KCNQ5: variants seen among roughly 807,000 people sequenced by gnomAD.
KCNQ5 encodes potassium voltage-gated channel subfamily KQT member 5.
Under a neutral mutation model 98.2 loss-of-function variants are expected in KCNQ5, and 30 were observed. That is an observed-to-expected ratio of 0.31 (90% confidence interval 0.23 to 0.41). The LOEUF is 0.41. KCNQ5 is among the 10% of genes least tolerant of loss of function. KCNQ5 has a pLI of 1.00. For missense variants in KCNQ5, 835 were observed against 1,182.5 expected (o/e 0.71, Z 4.31); for synonymous variants, 458 against 449.4 (o/e 1.02, Z -0.24).
chr6:73,177,013 T>C (rs972931403), intron 11 of KCNQ5, among the ~76,000 whole-genome samples: 3 of 152,158 alleles, frequency 2.0e-5, no homozygotes, highest in Non-Finnish European at 2.9e-5. Flanking sequence ...CTGAAGGAGA[T>C]AGATTCAAAC....
intron 1 of KCNQ5, among the ~76,000 whole-genome samples, chr6:72,685,317 A>T (rs1176176459): frequency 1.3e-5 from 2 of 152,242 alleles, no homozygotes; most frequent in African/African-American, 4.8e-5. Flanking sequence ...AGAGAAACAT[A>T]TTGTTTTGAA....
At chr6:72,725,089 A>G (rs1770194616) in intron 1 of KCNQ5, among the ~76,000 whole-genome samples, 1 of 152,192 alleles carries the variant, frequency 6.6e-6, no homozygotes, top group Non-Finnish European at 1.5e-5. Flanking sequence ...TGTATTTATT[A>G]CTTAGAATTT....
At chr6:73,124,692 G>A (rs954565119) in intron 9 of KCNQ5, 180 bp downstream of exon 9, 58 of 634,110 alleles carry the variant, frequency 9.1e-5, no homozygotes, top group Admixed American at 8.6e-4. Context: ...GTATCAAAGT[G>A]TCTTTCCCTA....
At chr6:72,681,614 C>T (rs1292038428) in intron 1 of KCNQ5, among the ~76,000 whole-genome samples, 1 of 152,140 alleles carries the variant, frequency 6.6e-6, no homozygotes, top group East Asian at 1.9e-4. Context: ...TTATGTGGCC[C>T]AAAAGATGCA....
chr6:73,019,482 A>G (rs1770492073), intron 2 of KCNQ5, among the ~76,000 whole-genome samples: 2 of 152,170 alleles, frequency 1.3e-5, no homozygotes, highest in Non-Finnish European at 2.9e-5. Context: ...TTCCAGTGAA[A>G]GACATCAACA....
intron 1 of KCNQ5, among the ~76,000 whole-genome samples, chr6:72,930,974 C>T (rs940525690): frequency 2.0e-5 from 3 of 152,116 alleles, no homozygotes; most frequent in Middle Eastern, 3.2e-3. Flanking sequence ...TGAACTTTTA[C>T]GTTTGTTGGC....
intron 1 of KCNQ5, among the ~76,000 whole-genome samples, chr6:72,868,057 C>G (rs2096182): frequency 0.39 from 59,881 of 151,852 alleles, 12,548 homozygotes; most frequent in South Asian, 0.5. Flanking sequence ...AGACCAGGGC[C>G]AATCCGTCAG....
chr6:72,727,955 G>A (rs1376055597), intron 1 of KCNQ5, among the ~76,000 whole-genome samples: 1 of 152,058 alleles, frequency 6.6e-6, no homozygotes, highest in Non-Finnish European at 1.5e-5. Flanking sequence ...TATGAGGCAG[G>A]GTCTTCTCAT....
intron 1 of KCNQ5, among the ~76,000 whole-genome samples, chr6:72,794,347 G>GAA (rs200338857): frequency 1.5e-5 from 2 of 134,498 alleles, no homozygotes; most frequent in African/African-American, 5.4e-5. Flanking sequence ...AGAGGAGAGA[G>GAA]AAAAAAAAAA....
At chr6:73,057,797 A>G (rs974903580) in intron 3 of KCNQ5, among the ~76,000 whole-genome samples, 7 of 152,244 alleles carry the variant, frequency 4.6e-5, no homozygotes, top group Non-Finnish European at 1.0e-4. Flanking sequence ...AGCCAAGGCA[A>G]TTCTAAGCAA....
At chr6:72,922,271 CTT>C (rs1408128210) in intron 1 of KCNQ5, among the ~76,000 whole-genome samples, 3 of 152,008 alleles carry the variant, frequency 2.0e-5, no homozygotes, top group African/African-American at 4.8e-5. Flanking sequence ...TTTATGCAGT[CTT>C]TGTTATTTAA....
At chr6:72,868,683 G>C (rs1054929499) in intron 1 of KCNQ5, among the ~76,000 whole-genome samples, 1 of 152,174 alleles carries the variant, frequency 6.6e-6, no homozygotes, top group African/African-American at 2.4e-5. Context: ...ATGGGAAAGA[G>C]AGCAACCAGT....
chr6:72,850,096 G>A (rs1051981982), intron 1 of KCNQ5, among the ~76,000 whole-genome samples: 5 of 152,140 alleles, frequency 3.3e-5, no homozygotes, highest in East Asian at 3.9e-4. Context: ...TATAATATTA[G>A]GGTCTTCTTT....
rs939739996 is a variant in KCNQ5, at chr6:73,195,745, G to A, written c.*331G>A. The A allele has an allele frequency of 1.3e-5, 3 of 239,566 alleles. No homozygotes were observed. The highest frequency in any genetic ancestry group is 7.4e-5 in the South Asian group (1 of 13,458). 14.8% of individuals were successfully genotyped at this position (239,566 alleles called of 1,614,324 possible). A position where few individuals can be genotyped will look rare whatever the true frequency, so the allele number is the denominator to read the frequency against. On this transcript the variant is annotated 3_prime_UTR_variant, in exon 14 of 14. Coordinates refer to ENST00000370398, the MANE Select transcript of KCNQ5 (RefSeq NM_019842.4). Reference sequence around the variant, plus strand: ...GACACTGTATTTTGAAATTATGGGAGTAAACACCTTCAAATTTCAGGCATT... The same window carrying A: ...GACACTGTATTTTGAAATTATGGGAATAAACACCTTCAAATTTCAGGCATT...
chr6:73,161,197 T>C (rs114434844), intron 10 of KCNQ5, among the ~76,000 whole-genome samples: 2,297 of 152,316 alleles, frequency 0.015, 52 homozygotes, highest in African/African-American at 0.052. Context: ...TTAAGTGAAA[T>C]GGGCCAGGCA....
intron 7 of KCNQ5, among the ~76,000 whole-genome samples, chr6:73,112,819 G>T (rs1775307236): frequency 6.6e-6 from 1 of 151,816 alleles, no homozygotes; most frequent in Admixed American, 6.6e-5. Context: ...TCATGAAGGA[G>T]ATCTGTTTAT....
intron 1 of KCNQ5, among the ~76,000 whole-genome samples, chr6:72,999,436 G>T (rs1417974717): frequency 6.6e-6 from 1 of 152,132 alleles, no homozygotes. Context: ...GCAAAATAAA[G>T]GCCAATAGCT....
Position 73,198,446 on chromosome 6 carries a change from A to G in KCNQ5, c.*3032A>G, listed in dbSNP as rs1582525947. ...AAGTTCTTAATTTGCAAGTAAAATA[A>G]GTCTACTAGAGAGGAGGAAATCAGG... On this transcript the variant is annotated 3_prime_UTR_variant, in exon 14 of 14. Coordinates refer to ENST00000370398, the MANE Select transcript of KCNQ5 (RefSeq NM_019842.4). The G allele has an allele frequency of 6.6e-6, 1 of 152,250 alleles. No homozygotes were observed. The highest frequency in any genetic ancestry group is 1.9e-4 in the East Asian group (1 of 5,204). The allele number at this position is 152,250 out of a possible 1,614,324, so 9.4% of individuals were successfully genotyped here.
intron 1 of KCNQ5, among the ~76,000 whole-genome samples, chr6:72,629,586 A>G (rs1354695283): frequency 6.6e-6 from 1 of 152,244 alleles, no homozygotes; most frequent in Admixed American, 6.5e-5. Context: ...AAAGATAGCC[A>G]GCAGCCTTCT....
Sources: allele counts gnomAD v4.1 joint callset (sites outside exome capture counted in the v4.1 genomes callset), GRCh38; gene constraint gnomAD v4.1.1; transcripts MANE v1.5; gene names NCBI Gene and HGNC (gene_info 2026-07-23, HGNC 2026-07-21).